Variants in MAGI2 observed in about 807,000 individuals in gnomAD.
The protein encoded by MAGI2 is membrane associated guanylate kinase, WW and PDZ domain containing 2, also known as membrane-associated guanylate kinase, WW and PDZ domain-containing protein 2.
A neutral mutation model predicts 133.3 loss-of-function variants in MAGI2; 35 were observed. The observed-to-expected ratio is 0.26, with a 90% CI of 0.20 to 0.35. MAGI2 has a LOEUF of 0.35. MAGI2 is among the 10% of genes least tolerant of loss of function. MAGI2 has a pLI of 1.00. For synonymous variants in MAGI2, 729 were observed against 710.6 expected, an observed-to-expected ratio of 1.03 and a Z score of -0.41; for missense variants, 1,636 against 1,863.4, an observed-to-expected ratio of 0.88 and a Z score of 2.25.
chr7:79,157,577 A>G (rs1033837082), intron 1 of MAGI2, among the ~76,000 whole-genome samples: 6 of 150,522 alleles, frequency 4.0e-5, no homozygotes, highest in African/African-American at 1.2e-4. Context: ...AAAAAAAAGT[A>G]GGAAACAAAT....
chr7:79,262,281 A>G (rs962269737), intron 1 of MAGI2, among the ~76,000 whole-genome samples: 3 of 152,160 alleles, frequency 2.0e-5, no homozygotes, highest in African/African-American at 7.2e-5. Flanking sequence ...TTTTGGTGAC[A>G]TTTTAGAGGA....
In MAGI2 at chr7:78,694,764, G is replaced by T. The variant is rs1055929649; in HGVS notation, c.419-67525C>A. Among the ~76,000 whole-genome samples, 9 of 152,154 alleles carry T rather than the reference G, an allele frequency of 5.9e-5. No homozygotes were observed. In the South Asian group the frequency reaches 1.9e-3, roughly 32 times the overall value. Reference sequence around the variant, plus strand: ...TATAAAGGCCAATACCGCTTTCTCCGTATGTTAAAAGCTGGTAATATCTAC... The same window carrying T: ...TATAAAGGCCAATACCGCTTTCTCCTTATGTTAAAAGCTGGTAATATCTAC... On this transcript the variant is annotated intron_variant, in intron 2 of 21. Coordinates refer to ENST00000354212, the MANE Select transcript of MAGI2 (RefSeq NM_012301.4).
At chr7:79,418,539 C>T (rs1238250173) in intron 1 of MAGI2, among the ~76,000 whole-genome samples, 1 of 151,938 alleles carries the variant, frequency 6.6e-6, no homozygotes, top group Non-Finnish European at 1.5e-5. Context: ...GATGAAAGAC[C>T]AATGTATGAA....
At chr7:78,984,616 C>T (rs1805077006) in intron 2 of MAGI2, among the ~76,000 whole-genome samples, 1 of 151,864 alleles carries the variant, frequency 6.6e-6, no homozygotes. Flanking sequence ...TTCCTTTCTT[C>T]AAGTATCTGC....
At chr7:79,065,545 A>G (rs1263192116) in intron 1 of MAGI2, among the ~76,000 whole-genome samples, 2 of 152,070 alleles carry the variant, frequency 1.3e-5, no homozygotes, top group African/African-American at 4.8e-5. Context: ...ATTCTCATAT[A>G]TAATACCAAA....
chr7:78,611,144 T>A (rs1252717747), intron 3 of MAGI2, among the ~76,000 whole-genome samples: 2 of 152,198 alleles, frequency 1.3e-5, no homozygotes, highest in Admixed American at 1.3e-4. Context: ...TTATCATCAG[T>A]CCAAATGTTT....
At chr7:78,085,025 G>A (rs955495569) in intron 20 of MAGI2, among the ~76,000 whole-genome samples, 1 of 152,166 alleles carries the variant, frequency 6.6e-6, no homozygotes, top group Non-Finnish European at 1.5e-5. Flanking sequence ...CCTGGCTTTT[G>A]TTATAAACTG....
intron 6 of MAGI2, chr7:78,485,211 T>G (rs1020713487): frequency 1.3e-5 from 2 of 151,990 alleles, no homozygotes; most frequent in African/African-American, 4.8e-5. Context: ...AACTGCTGTT[T>G]CTGTGGCATT....
At chr7:79,430,108 T>C (rs1319022037) in intron 1 of MAGI2, among the ~76,000 whole-genome samples, 2 of 152,142 alleles carry the variant, frequency 1.3e-5, no homozygotes, top group African/African-American at 2.4e-5. Flanking sequence ...AAAGAATACA[T>C]ATGCAATTGA....
chr7:78,066,881 G>A (rs1280988053), intron 21 of MAGI2, among the ~76,000 whole-genome samples: 1 of 152,194 alleles, frequency 6.6e-6, no homozygotes, highest in Non-Finnish European at 1.5e-5. Context: ...CTCTTTGCCA[G>A]CAAACACTGA....
chr7:78,815,339 T>C (rs1324720434), intron 2 of MAGI2, among the ~76,000 whole-genome samples: 5 of 152,180 alleles, frequency 3.3e-5, no homozygotes, highest in Admixed American at 1.3e-4. Context: ...TGTTTGATGA[T>C]ACCATGGCAA....
At chr7:79,321,687 T>C (rs1272601803) in intron 1 of MAGI2, among the ~76,000 whole-genome samples, 1 of 152,172 alleles carries the variant, frequency 6.6e-6, no homozygotes, top group Non-Finnish European at 1.5e-5. Flanking sequence ...TAGTTGTCCT[T>C]TTTCAATAAG....
chr7:78,051,734 A>G (rs2005730), intron 21 of MAGI2, among the ~76,000 whole-genome samples: 27,376 of 151,526 alleles, frequency 0.18, 3,563 homozygotes, highest in African/African-American at 0.36. Context: ...ATAGGCATGC[A>G]CCACCATGCC....
rs76018921 is a variant in MAGI2 at position 78,841,586 on chromosome 7, A to G, written c.418+165504T>C. 1.1e-3 allele frequency among the ~76,000 whole-genome samples: 163 copies of G among 152,024 alleles called. 4 individuals carry two copies. In the East Asian group the frequency reaches 0.027, roughly 25 times the overall value. On this transcript the variant is annotated intron_variant, in intron 2 of 21. Coordinates refer to ENST00000354212, the MANE Select transcript of MAGI2 (RefSeq NM_012301.4). ...TCCTCAAATCTACACATCCAATTCA[A>G]ACTTCTCTCCTAAGTTGCAGATCCA...
chr7:78,220,334 G>A (rs929023212), intron 10 of MAGI2, among the ~76,000 whole-genome samples: 7 of 152,062 alleles, frequency 4.6e-5, no homozygotes, highest in African/African-American at 7.2e-5. Flanking sequence ...CAATCTTGCC[G>A]TGTCCCCCCA....
intron 2 of MAGI2, among the ~76,000 whole-genome samples, chr7:78,711,713 A>G (rs1819210163): frequency 6.6e-6 from 1 of 152,154 alleles, no homozygotes; most frequent in South Asian, 2.1e-4. Context: ...AGGAGGTGGA[A>G]TTACAATCAG....
chr7:78,643,722 C>A (rs1211870889), intron 2 of MAGI2, among the ~76,000 whole-genome samples: 1 of 151,934 alleles, frequency 6.6e-6, no homozygotes, highest in East Asian at 1.9e-4. Context: ...AAATATATGA[C>A]CACAATGGCA....
intron 1 of MAGI2, among the ~76,000 whole-genome samples, chr7:79,285,402 A>C (rs191101303): frequency 6.6e-6 from 1 of 152,054 alleles, no homozygotes; most frequent in African/African-American, 2.4e-5. Flanking sequence ...TATACATTCA[A>C]TTTTTAAAGA....
Position 78,687,095 on chromosome 7 carries a change from C to A in MAGI2, c.419-59856G>T, listed in dbSNP as rs1198115490. ...CCTCCCCTTCAAGGACTGACCCACA[C>A]CTTTGTAGGTGAGACTAGGGAAATT... On this transcript the variant is annotated intron_variant, in intron 2 of 21. Transcript: ENST00000354212. Among the ~76,000 whole-genome samples the A allele has an allele frequency of 2.6e-5, 4 of 152,284 alleles. No homozygotes were observed. In the East Asian group the frequency reaches 5.8e-4, roughly 22 times the overall value.
Sources: allele counts gnomAD v4.1 joint callset (sites outside exome capture counted in the v4.1 genomes callset), GRCh38; gene constraint gnomAD v4.1.1; transcripts MANE v1.5; gene names NCBI Gene and HGNC (gene_info 2026-07-23, HGNC 2026-07-21).